The following SLIT3 variants were observed in gnomAD, a reference collection of about 807,000 sequenced individuals.
SLIT3 encodes the protein slit homolog 3 protein.
A neutral mutation model predicts 184.0 loss-of-function variants in SLIT3; 68 were observed. The ratio of observed to expected loss-of-function variants is 0.37; its 90% CI spans 0.30 to 0.45. The LOEUF is 0.45. SLIT3 is among the 20% of genes least tolerant of loss of function. The pLI, the probability that SLIT3 is intolerant of heterozygous loss-of-function variation, is 1.00. For synonymous variants in SLIT3, 831 were observed against 828.6 expected (o/e 1.00, Z -0.05); for missense variants, 1,707 against 2,026.0 (o/e 0.84, Z 3.02).
intron 4 of SLIT3, among the ~76,000 whole-genome samples, chr5:169,129,852 T>G (rs1761232643): frequency 6.6e-6 from 1 of 151,916 alleles, no homozygotes; most frequent in African/African-American, 2.4e-5. Context: ...GTTTGTTTGT[T>G]TGTTTGTTTT....
intron 10 of SLIT3, among the ~76,000 whole-genome samples, chr5:168,793,143 T>G (rs1420309354): frequency 6.6e-6 from 1 of 152,216 alleles, no homozygotes; most frequent in Non-Finnish European, 1.5e-5. Flanking sequence ...ACCTTTTAGT[T>G]TGTACTTGGA....
intron 5 of SLIT3, among the ~76,000 whole-genome samples, chr5:168,879,101 GTTTT>G (rs979495986): frequency 6.6e-6 from 1 of 152,194 alleles, no homozygotes; most frequent in Admixed American, 6.5e-5. Flanking sequence ...AAACCAGATA[GTTTT>G]TTATTTTCTC....
intron 3 of SLIT3, among the ~76,000 whole-genome samples, chr5:169,216,881 T>C (rs1764452321): frequency 6.6e-6 from 1 of 152,180 alleles, no homozygotes; most frequent in Non-Finnish European, 1.5e-5. Context: ...TAGGTATTGC[T>C]ACGGGGAGAT....
intron 1 of SLIT3, among the ~76,000 whole-genome samples, chr5:169,256,911 G>A (rs1396762708): frequency 3.3e-5 from 5 of 152,056 alleles, no homozygotes; most frequent in African/African-American, 7.2e-5. Context: ...GATACCATGG[G>A]AATCACCTAT....
intron 20 of SLIT3, among the ~76,000 whole-genome samples, chr5:168,728,086 C>T (rs1333491323): frequency 2.0e-5 from 3 of 151,962 alleles, no homozygotes; most frequent in Non-Finnish European, 2.9e-5. Flanking sequence ...AGTACTGGGG[C>T]CCAAAGACTG....
chr5:169,261,122 C>G (rs1203045469), intron 1 of SLIT3, among the ~76,000 whole-genome samples: 1 of 152,228 alleles, frequency 6.6e-6, no homozygotes, highest in African/African-American at 2.4e-5. Context: ...GACTCCTGCT[C>G]TCTACTATGC....
At chr5:169,263,770 A>G in intron 1 of SLIT3, 1 of 479,336 alleles carries the variant, frequency 2.1e-6, no homozygotes. Context: ...GAACTTCTGG[A>G]TCATTTACCC....
chr5:169,074,297 T>A lies in SLIT3; in HGVS notation c.413+119182A>T, dbSNP rs932809877. On this transcript the variant is annotated intron_variant, in intron 4 of 35. Coordinates refer to ENST00000519560, the MANE Select transcript of SLIT3 (RefSeq NM_003062.4). ...CCAGCTCTCAGAGAAATTCTGTAGG[T>A]CACCCAATATCATTTTTAACGCATT... Among the ~76,000 whole-genome samples, 3 of 152,148 alleles carry A rather than the reference T, an allele frequency of 2.0e-5. No individual in the cohort carries two copies. In the East Asian group the frequency reaches 5.8e-4, roughly 29 times the overall value.
intron 3 of SLIT3, among the ~76,000 whole-genome samples, chr5:169,229,643 TCTCTC>T (rs929901940): frequency 1.8e-4 from 7 of 39,026 alleles, no homozygotes; most frequent in Non-Finnish European, 3.3e-4. Context: ...AATAAATTCT[TCTCTC>T]TCTCTCTCTC....
intron 2 of SLIT3, among the ~76,000 whole-genome samples, chr5:169,250,243 C>T (rs188500803): frequency 1.6e-4 from 25 of 152,192 alleles, no homozygotes; most frequent in African/African-American, 4.3e-4. Flanking sequence ...TGTGCTGAGC[C>T]CATGAAAGTA....
At chr5:169,107,797 T>C (rs1006258074) in intron 4 of SLIT3, among the ~76,000 whole-genome samples, 1 of 152,252 alleles carries the variant, frequency 6.6e-6, no homozygotes, top group African/African-American at 2.4e-5. Context: ...CCTTGGCCTG[T>C]GCTGTGTCCT....
At chr5:168,777,266 T>A (rs1014096137) in intron 12 of SLIT3, among the ~76,000 whole-genome samples, 3 of 152,198 alleles carry the variant, frequency 2.0e-5, no homozygotes, top group Non-Finnish European at 4.4e-5. Flanking sequence ...CACTATTCCC[T>A]ATTGTGTCCC....
chr5:168,889,163 T>G (rs1760341719), intron 4 of SLIT3, among the ~76,000 whole-genome samples: 1 of 152,212 alleles, frequency 6.6e-6, no homozygotes. Context: ...AATTATCCCC[T>G]GGGGATTCTA....
intron 9 of SLIT3, among the ~76,000 whole-genome samples, chr5:168,798,226 T>TTC: frequency 8.0e-6 from 1 of 125,272 alleles, no homozygotes; most frequent in African/African-American, 4.1e-5. Flanking sequence ...TCTTCTTCTT[T>TTC]TTTTTTTTTT....
At chr5:168,717,055 G>A (rs866217251) in intron 23 of SLIT3, among the ~76,000 whole-genome samples, 8 of 128,744 alleles carry the variant, frequency 6.2e-5, no homozygotes, top group African/African-American at 2.5e-4. Flanking sequence ...ATATTCTCCC[G>A]GCCTAGAATG....
At chr5:168,822,828 C>A (rs74732655) in intron 7 of SLIT3, among the ~76,000 whole-genome samples, 1 of 152,272 alleles carries the variant, frequency 6.6e-6, no homozygotes, top group African/African-American at 2.4e-5. Flanking sequence ...TACTGTCATT[C>A]CTCAGGGGAA....
intron 3 of SLIT3, among the ~76,000 whole-genome samples, chr5:169,232,902 A>G (rs1765056773): frequency 6.6e-6 from 1 of 152,214 alleles, no homozygotes; most frequent in Non-Finnish European, 1.5e-5. Context: ...ATTCCAATAC[A>G]TGAACACCAT....
At chr5:169,048,201 G>T (rs1483353812) in intron 4 of SLIT3, among the ~76,000 whole-genome samples, 1 of 152,168 alleles carries the variant, frequency 6.6e-6, no homozygotes, top group African/African-American at 2.4e-5. Context: ...ACTCTCTGAC[G>T]ATGGGTGGTC....
At chr5:168,785,781 T>G (rs548254056) in intron 12 of SLIT3, 126 bp downstream of exon 12, 1 of 703,010 alleles carries the variant, frequency 1.4e-6, no homozygotes, top group South Asian at 1.8e-5. Flanking sequence ...CGTGGACAGC[T>G]CAAACATTTT....
Sources: gnomAD v4.1 joint callset for allele counts (sites outside exome capture counted in the v4.1 genomes callset) on GRCh38, gnomAD v4.1.1 for gene constraint, MANE v1.5 for transcripts, NCBI Gene and HGNC (gene_info 2026-07-23, HGNC 2026-07-21) for gene names.